The following TAFA2 variants were observed in gnomAD, a reference collection of about 807,000 sequenced individuals.
TAFA2 encodes the protein TAFA chemokine like family member 2.
TAFA2 carries 7 observed loss-of-function variants against 18.8 expected under a neutral mutation model. The observed-to-expected ratio is 0.37, with a 90% CI of 0.21 to 0.70. TAFA2 has a LOEUF of 0.70. TAFA2 is among the 30% of genes least tolerant of loss of function. The pLI is 0.53. For synonymous variants in TAFA2, 60 were observed against 54.2 expected, an observed-to-expected ratio of 1.11 and a Z score of -0.47; for missense variants, 122 against 158.1, an observed-to-expected ratio of 0.77 and a Z score of 1.23.
intron 1 of TAFA2, among the ~76,000 whole-genome samples, chr12:62,114,521 A>C (rs1469251948): frequency 6.6e-6 from 1 of 152,354 alleles, no homozygotes; most frequent in African/African-American, 2.4e-5. Flanking sequence ...AGAATGCAAA[A>C]ATTATAATGT....
chr12:61,910,082 T>TTG (rs373487943), intron 1 of TAFA2, among the ~76,000 whole-genome samples: 25 of 130,482 alleles, frequency 1.9e-4, no homozygotes, highest in East Asian at 1.7e-3. Context: ...GTGTGCGTGC[T>TTG]TGTGTGTGTG....
chr12:61,983,487 A>C (rs1007168247), intron 1 of TAFA2, among the ~76,000 whole-genome samples: 2 of 152,076 alleles, frequency 1.3e-5, no homozygotes, highest in African/African-American at 4.8e-5. Context: ...GGCTCACTGC[A>C]ACCTCTGCCT....
intron 1 of TAFA2, among the ~76,000 whole-genome samples, chr12:62,223,877 T>A (rs559998154): frequency 6.6e-6 from 1 of 152,146 alleles, no homozygotes; most frequent in South Asian, 2.1e-4. Flanking sequence ...GTATACTGGG[T>A]ACTCAAAAAG....
chr12:61,913,093 G>T (rs1565679045), intron 1 of TAFA2, among the ~76,000 whole-genome samples: 1 of 152,098 alleles, frequency 6.6e-6, no homozygotes, highest in Non-Finnish European at 1.5e-5. Flanking sequence ...TACAATAATT[G>T]CCAATGGGGT....
At chr12:61,961,299 A>G (rs747340607) in intron 1 of TAFA2, among the ~76,000 whole-genome samples, 5 of 151,960 alleles carry the variant, frequency 3.3e-5, no homozygotes, top group Non-Finnish European at 5.9e-5. Context: ...CAATTTGGAC[A>G]TGAGATTTGG....
At position 61,883,409 on chromosome 12, in the gene TAFA2, G is replaced by A. The variant is rs570229095; in HGVS notation, c.-1-15983C>T. On this transcript the variant is annotated intron_variant, in intron 1 of 4. Coordinates refer to ENST00000416284, the MANE Select transcript of TAFA2 (RefSeq NM_178539.5). The stretch of plus-strand genomic sequence containing the variant: ...AATCATGCAAACATAAGGAAAATGC[G>A]GCTGCTTACTCAAAGTTTGATTTGT... 2.6e-4 allele frequency among the ~76,000 whole-genome samples: 40 copies of A among 152,168 alleles called. 1 individual carries two copies. The highest frequency in any genetic ancestry group is 3.9e-4 in the East Asian group (2 of 5,176).
intron 1 of TAFA2, among the ~76,000 whole-genome samples, chr12:62,073,599 GA>G (rs1882689803): frequency 6.6e-6 from 1 of 152,020 alleles, no homozygotes; most frequent in South Asian, 2.1e-4. Context: ...CTCATGTTCA[GA>G]AATCTCATGT....
intron 2 of TAFA2, among the ~76,000 whole-genome samples, chr12:61,813,501 A>G (rs1871957103): frequency 6.6e-6 from 1 of 151,358 alleles, no homozygotes. Context: ...AAATCTACCA[A>G]TTCTCTCTTT....
At position 62,222,194 on chromosome 12, in the gene TAFA2, A is replaced by AACAC. The variant is rs141466916; in HGVS notation, c.-130+36565_-130+36568dup. On this transcript the variant is annotated intron_variant, in intron 1 of 5. Transcript: ENST00000551619. ...CCTACAGAGAAGCAAAGGTATAATA[A>AACAC]ACACACACACACACACATCTGGAGT... Among the ~76,000 whole-genome samples, 49 of 151,324 alleles carry AACAC rather than the reference A, an allele frequency of 3.2e-4. No homozygotes were observed. In the South Asian group the frequency reaches 3.6e-3, roughly 11 times the overall value.
At chr12:61,904,152 G>A (rs533850052) in intron 1 of TAFA2, among the ~76,000 whole-genome samples, 1 of 152,168 alleles carries the variant, frequency 6.6e-6, no homozygotes, top group Non-Finnish European at 1.5e-5. Context: ...GTTTATCAGA[G>A]TCAATACACA....
intron 1 of TAFA2, among the ~76,000 whole-genome samples, chr12:62,113,684 C>T (rs781468644): frequency 1.8e-4 from 28 of 152,156 alleles, no homozygotes; most frequent in Non-Finnish European, 2.2e-4. Flanking sequence ...TTCAGAGATG[C>T]CCTGCCCAGA....
At chr12:61,933,087 A>G (rs1224417505) in intron 1 of TAFA2, among the ~76,000 whole-genome samples, 2 of 152,190 alleles carry the variant, frequency 1.3e-5, no homozygotes, top group East Asian at 3.9e-4. Flanking sequence ...ACATAGTGAA[A>G]AAAGACCAAA....
At chr12:62,038,374 T>C (rs749819039) in intron 1 of TAFA2, among the ~76,000 whole-genome samples, 2 of 152,178 alleles carry the variant, frequency 1.3e-5, no homozygotes, top group Non-Finnish European at 2.9e-5. Context: ...CTGCAGGCTC[T>C]GCATCCACAA....
At chr12:61,927,865 C>A (rs952182340) in intron 1 of TAFA2, among the ~76,000 whole-genome samples, 4 of 152,166 alleles carry the variant, frequency 2.6e-5, no homozygotes, top group African/African-American at 9.7e-5. Context: ...CACACATCTA[C>A]AACCATCTGA....
intron 1 of TAFA2, chr12:62,235,064 G>T: frequency 1.6e-6 from 1 of 626,410 alleles, no homozygotes; most frequent in Non-Finnish European, 3.1e-6. Context: ...TGGAAGCTGA[G>T]ACTGGCAGCC....
intron 1 of TAFA2, among the ~76,000 whole-genome samples, chr12:62,000,885 T>C (rs1325859916): frequency 1.3e-5 from 2 of 152,234 alleles, no homozygotes; most frequent in Non-Finnish European, 2.9e-5. Flanking sequence ...TCTATAGTGA[T>C]AGGATGCAGA....
chr12:61,865,900 T>C (rs1289963726), intron 2 of TAFA2, among the ~76,000 whole-genome samples: 2 of 147,288 alleles, frequency 1.4e-5, no homozygotes, highest in African/African-American at 4.9e-5. Context: ...GGATGGGGAG[T>C]GTTTTCTTGT....
chr12:62,101,370 C>T (rs1163689435), intron 1 of TAFA2, among the ~76,000 whole-genome samples: 3 of 152,104 alleles, frequency 2.0e-5, no homozygotes, highest in African/African-American at 7.2e-5. Flanking sequence ...GATCCATAAC[C>T]ATGTCCAGTA....
intron 1 of TAFA2, among the ~76,000 whole-genome samples, chr12:61,891,342 A>C (rs527673634): frequency 1.5e-4 from 23 of 152,238 alleles, no homozygotes; most frequent in African/African-American, 5.3e-4. Context: ...CAATAGAAGA[A>C]TCAGAATCAG....
Sources: allele counts gnomAD v4.1 joint callset (sites outside exome capture counted in the v4.1 genomes callset), GRCh38; gene constraint gnomAD v4.1.1; transcripts MANE v1.5; gene names NCBI Gene and HGNC (gene_info 2026-07-23, HGNC 2026-07-21).